TRPM3: variants seen among roughly 807,000 people sequenced by gnomAD.
TRPM3 encodes long transient receptor potential channel 3.
TRPM3 carries 77 observed loss-of-function variants against 181.2 expected under a neutral mutation model. The ratio of observed to expected loss-of-function variants is 0.42; its 90% CI spans 0.35 to 0.51. The LOEUF (loss-of-function observed/expected upper bound fraction) is 0.51. Ranked by LOEUF, TRPM3 falls within the 20% of genes least tolerant of loss-of-function variation. The probability of loss-of-function intolerance (pLI) is 0.01; values close to 1 mark genes in which losing one functional copy is unlikely to be tolerated. For synonymous variants in TRPM3, 745 were observed against 796.4 expected (o/e 0.94, Z 1.09); for missense variants, 1,759 against 2,196.7 (o/e 0.80, Z 3.98).
chr9:70,784,283 C>A lies in TRPM3; in HGVS notation c.974-4G>T. ...ACAGGAACACCTTGACCGATTCCTGCATTAAAAAAGGAAAAGAAAAGGAAA... is the reference window on the plus strand; with the variant it reads ...ACAGGAACACCTTGACCGATTCCTGAATTAAAAAAGGAAAAGAAAAGGAAA... On this transcript the variant is annotated splice_region_variant and splice_polypyrimidine_tract_variant and intron_variant, in intron 6 of 25. Transcript: ENST00000677713. 3 of 1,567,384 alleles carry A rather than the reference C, an allele frequency of 1.9e-6. No homozygotes were observed. The highest frequency in any genetic ancestry group is 1.7e-6 in the Non-Finnish European group (2 of 1,154,212).
At chr9:71,032,764 A>G (rs1338812649) in intron 1 of TRPM3, among the ~76,000 whole-genome samples, 1 of 152,232 alleles carries the variant, frequency 6.6e-6, no homozygotes, top group Admixed American at 6.5e-5. Context: ...ATGGCTATGC[A>G]TACCACCATG....
intron 6 of TRPM3, among the ~76,000 whole-genome samples, chr9:70,814,988 G>A (rs1307541119): frequency 6.6e-6 from 1 of 150,998 alleles, no homozygotes; most frequent in Non-Finnish European, 1.5e-5. Flanking sequence ...ATTTTTAAAG[G>A]TATAAAGTGA....
At chr9:71,037,771 G>A (rs1191346951) in intron 1 of TRPM3, among the ~76,000 whole-genome samples, 1 of 152,208 alleles carries the variant, frequency 6.6e-6, no homozygotes, top group Non-Finnish European at 1.5e-5. Context: ...AAGAGCCTAT[G>A]AGCTATATAA....
At chr9:71,434,718 A>C (rs898836212) in intron 1 of TRPM3, among the ~76,000 whole-genome samples, 22 of 152,318 alleles carry the variant, frequency 1.4e-4, no homozygotes, top group African/African-American at 5.3e-4. Context: ...CCCATTTTTG[A>C]AAAGAAAGGG....
intron 1 of TRPM3, among the ~76,000 whole-genome samples, chr9:71,036,348 T>C (rs1000592259): frequency 7.2e-5 from 11 of 152,220 alleles, no homozygotes; most frequent in African/African-American, 2.4e-4. Flanking sequence ...AGGTCACCTA[T>C]GTCTGTAAAT....
At chr9:71,137,420 C>A (rs999419122) in intron 1 of TRPM3, among the ~76,000 whole-genome samples, 5 of 151,972 alleles carry the variant, frequency 3.3e-5, no homozygotes, top group African/African-American at 1.2e-4. Flanking sequence ...ATACATAAGA[C>A]CAGCTCATCT....
intron 1 of TRPM3, among the ~76,000 whole-genome samples, chr9:71,157,040 A>T (rs931957350): frequency 1.3e-5 from 2 of 152,124 alleles, no homozygotes; most frequent in African/African-American, 2.4e-5. Flanking sequence ...TAAATGCTCC[A>T]CTTCTGCCTC....
chr9:70,934,116 G>A (rs1352497780), intron 1 of TRPM3, among the ~76,000 whole-genome samples: 1 of 152,120 alleles, frequency 6.6e-6, no homozygotes, highest in Non-Finnish European at 1.5e-5. Flanking sequence ...TCTGTATCCT[G>A]TTATCTCAAG....
At chr9:71,333,937 A>C (rs1219369407) in intron 1 of TRPM3, among the ~76,000 whole-genome samples, 2 of 151,862 alleles carry the variant, frequency 1.3e-5, no homozygotes, top group African/African-American at 4.8e-5. Flanking sequence ...GAGGAAAATA[A>C]CACATCTGAA....
intron 22 of TRPM3, among the ~76,000 whole-genome samples, chr9:70,555,581 C>T (rs1386828914): frequency 1.3e-5 from 2 of 152,208 alleles, no homozygotes. Context: ...GATGCATAGT[C>T]CTAGCTCTGA....
At chr9:70,589,321 A>G (rs1436650086) in intron 22 of TRPM3, among the ~76,000 whole-genome samples, 2 of 152,290 alleles carry the variant, frequency 1.3e-5, no homozygotes, top group Non-Finnish European at 2.9e-5. Flanking sequence ...ATAAATGGCC[A>G]CTTGTAGAGG....
chr9:70,795,034 T>A (rs1286470485), intron 6 of TRPM3, among the ~76,000 whole-genome samples: 3 of 152,236 alleles, frequency 2.0e-5, no homozygotes, highest in Non-Finnish European at 4.4e-5. Context: ...ACTATTGATG[T>A]AGCATTTACA....
At chr9:70,989,460 C>A (rs1273769115) in intron 1 of TRPM3, among the ~76,000 whole-genome samples, 3 of 152,198 alleles carry the variant, frequency 2.0e-5, no homozygotes, top group African/African-American at 7.2e-5. Context: ...GCAACAGCAA[C>A]TGAACTTTTA....
intron 1 of TRPM3, among the ~76,000 whole-genome samples, chr9:71,325,121 T>C (rs1033858586): frequency 6.6e-6 from 1 of 152,046 alleles, no homozygotes; most frequent in Non-Finnish European, 1.5e-5. Context: ...AAATTATATA[T>C]ATATGTAAAA....
chr9:71,327,089 G>C (rs983956499), intron 1 of TRPM3, among the ~76,000 whole-genome samples: 3 of 152,226 alleles, frequency 2.0e-5, no homozygotes, highest in African/African-American at 7.2e-5. Context: ...CACAGATCCA[G>C]ATTAGTTGGT....
At chr9:71,203,840 A>G (rs147257148) in intron 1 of TRPM3, among the ~76,000 whole-genome samples, 2 of 152,104 alleles carry the variant, frequency 1.3e-5, no homozygotes, top group Non-Finnish European at 2.9e-5. Context: ...CTCCTCCTCC[A>G]TCACAATCAT....
intron 1 of TRPM3, among the ~76,000 whole-genome samples, chr9:71,180,677 C>T (rs1308114567): frequency 6.6e-6 from 1 of 152,098 alleles, no homozygotes; most frequent in African/African-American, 2.4e-5. Context: ...CATTCTCTCC[C>T]TGTTGCCAAA....
At chr9:71,013,539 G>A (rs1218912373) in intron 1 of TRPM3, among the ~76,000 whole-genome samples, 2 of 151,832 alleles carry the variant, frequency 1.3e-5, no homozygotes, top group Non-Finnish European at 2.9e-5. Context: ...AGGTTTGGTA[G>A]TATTTATGCA....
chr9:71,173,245 C>T (rs2076950885), intron 1 of TRPM3, among the ~76,000 whole-genome samples: 1 of 152,028 alleles, frequency 6.6e-6, no homozygotes, highest in African/African-American at 2.4e-5. Context: ...ACTATATCAC[C>T]AATTGCTTTA....
Sources: gnomAD v4.1 joint callset for allele counts (sites outside exome capture counted in the v4.1 genomes callset) on GRCh38, gnomAD v4.1.1 for gene constraint, MANE v1.5 for transcripts, NCBI Gene and HGNC (gene_info 2026-07-23, HGNC 2026-07-21) for gene names.